SULF1: variants seen among roughly 807,000 people sequenced by gnomAD.
SULF1 encodes extracellular sulfatase Sulf-1.
Under a neutral mutation model 110.5 loss-of-function variants are expected in SULF1, and 46 were observed. That is an observed-to-expected ratio of 0.42 (90% CI 0.33 to 0.53). The LOEUF is 0.53. Among genes scored for constraint, SULF1 ranks in the 20% least tolerant of loss-of-function variants. The pLI, the probability that SULF1 is intolerant of heterozygous loss-of-function variation, is 0.12. For synonymous variants in SULF1, 371 were observed against 387.1 expected (o/e 0.96, Z 0.49); for missense variants, 941 against 1,094.2 (o/e 0.86, Z 1.98).
At chr8:69,509,945 T>C (rs1811442890) in intron 3 of SULF1, among the ~76,000 whole-genome samples, 1 of 152,236 alleles carries the variant, frequency 6.6e-6, no homozygotes, top group African/African-American at 2.4e-5. Flanking sequence ...AGACAGAGTT[T>C]GTATGACATG....
intron 13 of SULF1, among the ~76,000 whole-genome samples, chr8:69,611,989 C>T (rs1452608441): frequency 6.6e-6 from 1 of 152,046 alleles, no homozygotes; most frequent in Non-Finnish European, 1.5e-5. Flanking sequence ...GTCTTTTATC[C>T]CTCACCTGCT....
At chr8:69,605,073 C>A in intron 13 of SULF1, 141 bp downstream of exon 13, 1 of 1,162,854 alleles carries the variant, frequency 8.6e-7, no homozygotes, top group South Asian at 1.6e-5. Context: ...CACTGAGACA[C>A]CTCTCCGCGG....
Position 69,649,209 on chromosome 8 carries a change from G to A in SULF1, c.2585+8368G>A, listed in dbSNP as rs542255195. On this transcript the variant is annotated intron_variant, in intron 22 of 22. Coordinates refer to ENST00000402687, the MANE Select transcript of SULF1 (RefSeq NM_001128205.2). ...ATAACTTTACATTTACAGAAAGGTC[G>A]CAAGAATAATTTCAAGAACTGTTAC... Among the ~76,000 whole-genome samples the A allele has an allele frequency of 6.2e-4, 95 of 152,274 alleles. 1 individual carries two copies. Among genetic ancestry groups the A allele is most frequent in the African/African-American group, 1.6e-3 (66 of 41,544 alleles).
At chr8:69,481,402 AT>A (rs1459334067) in intron 1 of SULF1, among the ~76,000 whole-genome samples, 1 of 152,156 alleles carries the variant, frequency 6.6e-6, no homozygotes, top group East Asian at 1.9e-4. Flanking sequence ...TATGAAAGTT[AT>A]TTTTTGATCC....
intron 22 of SULF1, among the ~76,000 whole-genome samples, chr8:69,644,284 G>T (rs150955695): frequency 6.6e-6 from 1 of 152,190 alleles, no homozygotes; most frequent in Non-Finnish European, 1.5e-5. Flanking sequence ...TCCCAGCCTC[G>T]CTGGTGGGCA....
In SULF1 at chr8:69,646,938, A is replaced by ATTTTTT. The variant is rs532105097; in HGVS notation, c.2585+6116_2585+6121dup. The stretch of plus-strand genomic sequence containing the variant: ...ACAAATTGTATCAAAGAGCCCTGGA[A>ATTTTTT]TTTTTTTTTTTTTTTTTTTTTTTTG... On this transcript the variant is annotated intron_variant, in intron 22 of 22. Coordinates refer to ENST00000402687, the MANE Select transcript of SULF1 (RefSeq NM_001128205.2). Among the ~76,000 whole-genome samples, 322 of 97,738 alleles carry ATTTTTT rather than the reference A, an allele frequency of 3.3e-3. 4 individuals carry two copies. The highest frequency in any genetic ancestry group is 4.3e-3 in the Non-Finnish European group (212 of 49,558). 64.1% of individuals were successfully genotyped at this position (97,738 alleles called of 152,430 possible). A position where few individuals can be genotyped will look rare whatever the true frequency, so the allele number is the denominator to read the frequency against.
chr8:69,585,042 T>C (rs1806344842), intron 6 of SULF1, among the ~76,000 whole-genome samples: 1 of 152,192 alleles, frequency 6.6e-6, no homozygotes, highest in Non-Finnish European at 1.5e-5. Context: ...ATAAAATCTG[T>C]TTAATGAAGC....
At chr8:69,597,486 G>A (rs1308258957) in intron 8 of SULF1, 3 of 152,240 alleles carry the variant, frequency 2.0e-5, no homozygotes, top group Non-Finnish European at 2.9e-5. Context: ...GGGCAGGAAA[G>A]GACAGCTTTG....
rs535997010 is a variant in SULF1 at position 69,541,561 on chromosome 8, C to T, written c.-133-21978C>T. The stretch of plus-strand genomic sequence containing the variant: ...AGGAAGAGAAAGTAGAAACGAAAGA[C>T]GTCTGCTTCTAACAGTGACATTTTT... On this transcript the variant is annotated intron_variant, in intron 3 of 22. Coordinates refer to ENST00000402687, the MANE Select transcript of SULF1 (RefSeq NM_001128205.2). Among the ~76,000 whole-genome samples, 7 of 152,366 alleles carry T rather than the reference C, an allele frequency of 4.6e-5. 1 individual carries two copies. The highest frequency in any genetic ancestry group is 2.1e-4 in the South Asian group (1 of 4,830).
intron 1 of SULF1, among the ~76,000 whole-genome samples, chr8:69,473,988 C>T (rs1020991387): frequency 6.6e-6 from 1 of 152,134 alleles, no homozygotes; most frequent in Non-Finnish European, 1.5e-5. Context: ...TCCTTGTATT[C>T]CTTTGATGAC....
intron 5 of SULF1, among the ~76,000 whole-genome samples, chr8:69,567,046 A>G (rs994092305): frequency 6.6e-6 from 1 of 152,192 alleles, no homozygotes; most frequent in Non-Finnish European, 1.5e-5. Flanking sequence ...TGTCCCTTCC[A>G]TTAATCAGCC....
At chr8:69,587,300 G>A (rs368259019) in intron 7 of SULF1, among the ~76,000 whole-genome samples, 67 of 152,182 alleles carry the variant, frequency 4.4e-4, no homozygotes, top group African/African-American at 1.4e-3. Context: ...AGAAGAAGCC[G>A]AGAATCTGCT....
intron 2 of SULF1, among the ~76,000 whole-genome samples, chr8:69,498,842 T>C (rs918128380): frequency 6.6e-6 from 1 of 152,178 alleles, no homozygotes; most frequent in Non-Finnish European, 1.5e-5. Context: ...CAATGGACCA[T>C]GGAGCTCCAG....
chr8:69,642,560 C>T (rs998421181), intron 22 of SULF1, among the ~76,000 whole-genome samples: 2 of 151,858 alleles, frequency 1.3e-5, no homozygotes, highest in Non-Finnish European at 2.9e-5. Flanking sequence ...TAACATCCCA[C>T]ACACCAGGAC....
chr8:69,534,690 CT>C (rs1042943507), intron 3 of SULF1, among the ~76,000 whole-genome samples: 2 of 152,084 alleles, frequency 1.3e-5, no homozygotes, highest in African/African-American at 4.8e-5. Flanking sequence ...TATTCCACCA[CT>C]TTTTTTGAGA....
rs376401562 is a variant in SULF1, at chr8:69,583,407, A to T, written c.413-2950A>T. On this transcript the variant is annotated intron_variant, in intron 6 of 22. Transcript: ENST00000402687. ...ATATGGTGAAACCCCATCTCTATTT[A>T]AAAAAAAAAAAAAAAAATTAGCCAG... Among the ~76,000 whole-genome samples the T allele has an allele frequency of 6.5e-3, 175 of 26,806 alleles. 1 individual carries two copies. Among genetic ancestry groups the T allele is most frequent in the African/African-American group, 0.011 (164 of 15,384 alleles). 17.6% of individuals were successfully genotyped at this position (26,806 alleles called of 152,430 possible).
intron 3 of SULF1, among the ~76,000 whole-genome samples, chr8:69,519,605 T>C (rs1433371227): frequency 3.3e-5 from 5 of 152,102 alleles, no homozygotes; most frequent in African/African-American, 4.8e-5. Context: ...AGGACAATAA[T>C]GACACGTTAT....
In SULF1 at chr8:69,625,763, G is replaced by A. The variant is rs574196693; in HGVS notation, c.1851-1447G>A. On this transcript the variant is annotated intron_variant, in intron 15 of 22. Transcript: ENST00000402687. ...GATTTATTGCAAAGAGCGAAAGAACGGAGCTTCCACAGTGTGGAAGGGGAC... is the reference window on the plus strand; with the variant it reads ...GATTTATTGCAAAGAGCGAAAGAACAGAGCTTCCACAGTGTGGAAGGGGAC... 5.6e-3 allele frequency among the ~76,000 whole-genome samples: 853 copies of A among 152,264 alleles called. 9 individuals are homozygous for A. The highest frequency in any genetic ancestry group is 6.7e-3 in the Non-Finnish European group (453 of 68,004).
chr8:69,585,964 A>G (rs1481973001), intron 6 of SULF1, among the ~76,000 whole-genome samples: 1 of 152,216 alleles, frequency 6.6e-6, no homozygotes, highest in African/African-American at 2.4e-5. Context: ...CAAAGACTGA[A>G]CTTTCAGTTC....
Sources: allele counts gnomAD v4.1 joint callset (sites outside exome capture counted in the v4.1 genomes callset), GRCh38; gene constraint gnomAD v4.1.1; transcripts MANE v1.5; gene names NCBI Gene and HGNC (gene_info 2026-07-23, HGNC 2026-07-21).